The following SH3GL3 variants were observed in gnomAD, a reference collection of about 807,000 sequenced individuals.
The protein encoded by SH3GL3 is endophilin-A3.
In SH3GL3, 33 loss-of-function variants were observed where a neutral mutation model predicts 47.7. That is an observed-to-expected ratio of 0.69 (90% CI 0.52 to 0.92). The LOEUF (loss-of-function observed/expected upper bound fraction) is 0.92, where lower values mean the gene tolerates loss of function less well. Among genes scored for constraint, SH3GL3 ranks in the 40% least tolerant of loss-of-function variants. SH3GL3 has a pLI of 0.00. For missense variants in SH3GL3, 363 were observed against 417.8 expected, an observed-to-expected ratio of 0.87 and a Z score of 1.14; for synonymous variants, 155 against 148.8, an observed-to-expected ratio of 1.04 and a Z score of -0.30.
chr15:83,511,749 C>T (rs1432344794), intron 1 of SH3GL3, among the ~76,000 whole-genome samples: 4 of 152,078 alleles, frequency 2.6e-5, no homozygotes, highest in Admixed American at 6.5e-5. Flanking sequence ...CCCAGTGTAC[C>T]GCGCACCTGC....
intron 8 of SH3GL3, among the ~76,000 whole-genome samples, chr15:83,601,728 AT>A (rs1348135125): frequency 6.6e-6 from 1 of 151,504 alleles, no homozygotes; most frequent in African/African-American, 2.4e-5. Context: ...TTTAGGGAGG[AT>A]TCCCTCTTTC....
chr15:83,498,105 A>G (rs2042150715), intron 1 of SH3GL3, among the ~76,000 whole-genome samples: 2 of 152,148 alleles, frequency 1.3e-5, no homozygotes, highest in African/African-American at 4.8e-5. Context: ...TCCTGTCCTG[A>G]CATTTCTCTT....
chr15:83,520,199 T>A (rs1217187831), intron 1 of SH3GL3, among the ~76,000 whole-genome samples: 2 of 152,192 alleles, frequency 1.3e-5, no homozygotes, highest in African/African-American at 4.8e-5. Flanking sequence ...TAAGCTTGCC[T>A]GACCTTTGCC....
At chr15:83,623,555 G>GGCCTGCTACCATCTCACAGGCTGC (rs987511035), downstream of SH3GL3, among the ~76,000 whole-genome samples, 1 of 152,196 alleles carries the variant, frequency 6.6e-6, no homozygotes, top group Non-Finnish European at 1.5e-5. Flanking sequence ...TCACAGGCTG[G>GGCCTGCTACCATCTCACAGGCTGC]GCCTGCTACC....
At chr15:83,570,658 G>T (rs868015884) in intron 4 of SH3GL3, among the ~76,000 whole-genome samples, 13 of 152,202 alleles carry the variant, frequency 8.5e-5, no homozygotes, top group Admixed American at 3.3e-4. Context: ...AGATGGAAGA[G>T]ATGGAAGTTG....
At chr15:83,549,987 C>T (rs1803228159) in intron 1 of SH3GL3, among the ~76,000 whole-genome samples, 2 of 152,136 alleles carry the variant, frequency 1.3e-5, no homozygotes, top group African/African-American at 2.4e-5. Flanking sequence ...TTGGTTGCTC[C>T]GATGACCTCA....
At position 83,544,309 on chromosome 15, in the gene SH3GL3, G is replaced by A. The variant is rs567781765; in HGVS notation, c.46-14944G>A. ...CATACTGTTTAATTTTCATGTGTTC[G>A]TATAGTTTTTAGAGTTTCTATTATT... is the stretch of plus-strand genomic sequence containing the variant. On this transcript the variant is annotated intron_variant, in intron 1 of 8. Coordinates refer to ENST00000427482, the MANE Select transcript of SH3GL3 (RefSeq NM_003027.5). 8.5e-5 allele frequency among the ~76,000 whole-genome samples: 13 copies of A among 152,080 alleles called. No individual in the cohort carries two copies. In the East Asian group the frequency reaches 1.7e-3, roughly 20 times the overall value.
intron 8 of SH3GL3, among the ~76,000 whole-genome samples, chr15:83,617,325 A>C (rs2060849971): frequency 6.6e-6 from 1 of 152,122 alleles, no homozygotes; most frequent in African/African-American, 2.4e-5. Flanking sequence ...GGTCCTCCCT[A>C]CTACCCTCTC....
At chr15:83,594,674 C>G (rs1430662686) in intron 8 of SH3GL3, among the ~76,000 whole-genome samples, 1 of 152,092 alleles carries the variant, frequency 6.6e-6, no homozygotes, top group Non-Finnish European at 1.5e-5. Flanking sequence ...TTGGGGAGTA[C>G]TGTTTACATA....
chr15:83,465,715 G>A (rs1028599385), intron 1 of SH3GL3, among the ~76,000 whole-genome samples: 1 of 151,956 alleles, frequency 6.6e-6, no homozygotes, highest in Admixed American at 6.6e-5. Flanking sequence ...ATCCAGTTGG[G>A]TGGATTATTT....
rs753525950 is a variant in SH3GL3 at position 83,565,143 on chromosome 15, G to T, written c.124G>T (p.Val42Phe). ...AAATTTTGCTTTTAAGAAAATAGAT[G>T]TTACCAATAAAGTTGTTGCAGAAAT... ...EFLDMERKID[V>F]TNKVVAEILS... is the part of the protein sequence containing the mutation. The change falls in exon 3 of 9, where the codon GTT (valine) becomes TTT (phenylalanine). Residue 42 changes from valine (V) to phenylalanine (F), a missense_variant. Physicochemically the swap from Val to Phe is conservative, Grantham distance 50. Transcript: ENST00000427482. 1 of 1,519,494 alleles carries T rather than the reference G, an allele frequency of 6.6e-7. No homozygotes were observed. The highest frequency in any genetic ancestry group is 1.2e-5 in the South Asian group (1 of 84,570). The allele number at this position is 1,519,494 out of a possible 1,614,324, so 94.1% of individuals were successfully genotyped here.
intron 1 of SH3GL3, among the ~76,000 whole-genome samples, chr15:83,494,991 C>T (rs1046384909): frequency 6.6e-6 from 1 of 152,148 alleles, no homozygotes. Context: ...CTTCCAGATG[C>T]TCCTTCCCTT....
Position 83,571,309 on chromosome 15 carries a change from A to T in SH3GL3, c.332-1256A>T, listed in dbSNP as rs145066509. Reference sequence around the variant, plus strand: ...CAAGGCGAAATGAGCTGACATTGTGAGACACTGGCACTGGTGGCAGAGGGG... The same window carrying T: ...CAAGGCGAAATGAGCTGACATTGTGTGACACTGGCACTGGTGGCAGAGGGG... On this transcript the variant is annotated intron_variant, in intron 4 of 8. Coordinates refer to ENST00000427482, the MANE Select transcript of SH3GL3 (RefSeq NM_003027.5). Among the ~76,000 whole-genome samples the T allele has an allele frequency of 1.6e-4, 25 of 152,302 alleles. 1 individual carries two copies. In the East Asian group the frequency reaches 4.8e-3, roughly 29 times the overall value.
At chr15:83,506,141 T>G (rs2042491353) in intron 1 of SH3GL3, among the ~76,000 whole-genome samples, 1 of 152,248 alleles carries the variant, frequency 6.6e-6, no homozygotes, top group Non-Finnish European at 1.5e-5. Context: ...TCCTGACTTT[T>G]GAAATCCTGT....
chr15:83,558,574 C>A (rs1337753246), intron 1 of SH3GL3, among the ~76,000 whole-genome samples: 1 of 151,988 alleles, frequency 6.6e-6, no homozygotes, highest in Non-Finnish European at 1.5e-5. Flanking sequence ...TGTTAAACAT[C>A]TTGCAGTGCA....
chr15:83,456,743 A>G (rs1433916455), intron 1 of SH3GL3, among the ~76,000 whole-genome samples: 1 of 150,214 alleles, frequency 6.7e-6, no homozygotes, highest in Non-Finnish European at 1.5e-5. Flanking sequence ...GGTACCTCAG[A>G]TGGAAATGCA....
At chr15:83,624,433 C>T in the SH3GL3 span, among the ~76,000 whole-genome samples, 2 of 152,148 alleles carry the variant, frequency 1.3e-5, no homozygotes, top group Admixed American at 1.3e-4. Context: ...GCGCAAAGAG[C>T]AGGAAGCGGG....
chr15:83,617,487 G>A (rs890568377), intron 8 of SH3GL3, among the ~76,000 whole-genome samples: 2 of 152,186 alleles, frequency 1.3e-5, no homozygotes, highest in Non-Finnish European at 2.9e-5. Context: ...GACCAGACTG[G>A]CCAATATGGT....
the SH3GL3 span, among the ~76,000 whole-genome samples, chr15:83,624,778 G>C: frequency 2.6e-5 from 4 of 152,126 alleles, no homozygotes; most frequent in East Asian, 7.7e-4. Context: ...CTACAAAAAA[G>C]TTAAAAATTA....
Sources: allele counts gnomAD v4.1 joint callset (sites outside exome capture counted in the v4.1 genomes callset), GRCh38; gene constraint gnomAD v4.1.1; transcripts MANE v1.5; gene names NCBI Gene and HGNC (gene_info 2026-07-23, HGNC 2026-07-21).